The following POTEJ variants were observed in gnomAD, a reference collection of about 807,000 sequenced individuals.
The protein encoded by POTEJ is POTE ankyrin domain family member J.
In POTEJ, 11 loss-of-function variants were observed where a neutral mutation model predicts 69.0. That is an observed-to-expected ratio of 0.16 (90% CI 0.10 to 0.26). The LOEUF (loss-of-function observed/expected upper bound fraction) is 0.26, where lower values mean the gene tolerates loss of function less well. Among genes scored for constraint, POTEJ ranks in the 10% least tolerant of loss-of-function variants. The probability of loss-of-function intolerance (pLI) is 1.00; values close to 1 mark genes in which losing one functional copy is unlikely to be tolerated. For missense variants in POTEJ, 327 were observed against 1,045.5 expected, an observed-to-expected ratio of 0.31 and a Z score of 9.48; for synonymous variants, 117 against 381.1, an observed-to-expected ratio of 0.31 and a Z score of 8.07.
intron 10 of POTEJ, among the ~76,000 whole-genome samples, chr2:130,641,572 G>A (rs1461020595): frequency 6.6e-6 from 1 of 151,174 alleles, no homozygotes; most frequent in Non-Finnish European, 1.5e-5. Context: ...GAAAGGCTTG[G>A]GGGACAGAGA....
At chr2:130,628,751 G>T (rs1226206265) in intron 6 of POTEJ, among the ~76,000 whole-genome samples, 1 of 149,186 alleles carries the variant, frequency 6.7e-6, no homozygotes, top group Non-Finnish European at 1.5e-5. Context: ...GATAAGTGTG[G>T]TGGCTCACAC....
chr2:130,637,215 G>A (rs1686127458), intron 9 of POTEJ, among the ~76,000 whole-genome samples: 1 of 151,158 alleles, frequency 6.6e-6, no homozygotes, highest in African/African-American at 2.4e-5. Flanking sequence ...AGGGAGAAAA[G>A]CCCAATATTG....
At chr2:130,643,475 C>G (rs894083347) in intron 10 of POTEJ, among the ~76,000 whole-genome samples, 1 of 136,952 alleles carries the variant, frequency 7.3e-6, no homozygotes, top group African/African-American at 2.7e-5. Context: ...GCTGATCATG[C>G]CACTGCATTC....
intron 3 of POTEJ, among the ~76,000 whole-genome samples, chr2:130,617,521 AT>A (rs1383362981): frequency 4.2e-5 from 3 of 71,912 alleles, no homozygotes; most frequent in Non-Finnish European, 8.4e-5. Flanking sequence ...CCCTCCTAGG[AT>A]TTTTTTCCCC....
chr2:130,637,785 A>G (rs1686163835), intron 9 of POTEJ, among the ~76,000 whole-genome samples: 2 of 152,178 alleles, frequency 1.3e-5, no homozygotes, highest in Admixed American at 6.5e-5. Flanking sequence ...GCTGGAGATG[A>G]ACATGTATAT....
chr2:130,627,025 A>C (rs1685736142), intron 6 of POTEJ, among the ~76,000 whole-genome samples: 1 of 152,170 alleles, frequency 6.6e-6, no homozygotes, highest in African/African-American at 2.4e-5. Flanking sequence ...TTGAATGAGA[A>C]AGCCTTGGGG....
intron 9 of POTEJ, among the ~76,000 whole-genome samples, chr2:130,636,765 T>C: frequency 6.8e-6 from 1 of 148,124 alleles, no homozygotes; most frequent in Non-Finnish European, 1.5e-5. Flanking sequence ...GAGTTTATCC[T>C]GTGTATATTG....
At chr2:130,637,570 C>G (rs1686146473) in intron 9 of POTEJ, among the ~76,000 whole-genome samples, 2 of 152,088 alleles carry the variant, frequency 1.3e-5, no homozygotes, top group South Asian at 4.1e-4. Context: ...ATGGGTGCCA[C>G]AAAAACATTG....
rs1390205290 is a variant in POTEJ, at chr2:130,657,146, T to TA, written c.2387dup (p.Tyr796Ter). Residue 796 changes from tyrosine to a stop codon, truncating the protein, a stop_gained and frameshift_variant, in exon 15 of 15, where the codon TAC (tyrosine) becomes TAAC (stop). Transcript: ENST00000409602. LOFTEE classifies it high-confidence loss of function. ...MFETFNTPAM[Y>*]VAIQAMLSLY... The stretch of plus-strand genomic sequence containing the variant: ...TGAGACCTTCAACACCCCAGCCATG[T>TA]ACGTGGCCATCCAGGCCATGCTGTC... 1 of 1,549,564 alleles carries TA rather than the reference T, an allele frequency of 6.5e-7. No homozygotes were observed. The highest frequency in any genetic ancestry group is 2.2e-5 in the East Asian group (1 of 44,814).
intron 3 of POTEJ, among the ~76,000 whole-genome samples, chr2:130,618,537 G>A (rs1473547409): frequency 4.7e-5 from 7 of 147,904 alleles, no homozygotes; most frequent in East Asian, 1.9e-4. Context: ...TCAGGAGTTC[G>A]AGTCTAGCCT....
Position 130,632,748 on chromosome 2 carries a change from GT to G in POTEJ, c.1298+96del, listed in dbSNP as rs1685952226. ...ATATTCATGATGAACAAATTTTATA[GT>G]TTTACTAGGATATTCAGCCTTGCCC... On this transcript the variant is annotated intron_variant, in intron 9 of 14. Coordinates refer to ENST00000409602, the MANE Select transcript of POTEJ (RefSeq NM_001277083.2). 1.0e-5 allele frequency: 13 copies of G among 1,242,028 alleles called. No individual in the cohort carries two copies. In the South Asian group the frequency reaches 1.8e-4, roughly 17 times the overall value. 76.9% of individuals were successfully genotyped at this position (1,242,028 alleles called of 1,614,324 possible). A position where few individuals can be genotyped will look rare whatever the true frequency, so the allele number is the denominator to read the frequency against.
In POTEJ at chr2:130,656,457, T is replaced by C. The variant is rs1686991103; in HGVS notation, c.1789-92T>C. 9 of 1,482,798 alleles carry C rather than the reference T, an allele frequency of 6.1e-6. No individual in the cohort carries two copies. In the East Asian group the frequency reaches 2.1e-4, roughly 34 times the overall value. 91.9% of individuals were successfully genotyped at this position (1,482,798 alleles called of 1,614,324 possible). On this transcript the variant is annotated intron_variant, in intron 14 of 14. Transcript: ENST00000409602. ...AATATCCACTATGGGGATTCTTTCATTATACAAATACATGTTATTTTTGAA... is the reference window on the plus strand; with the variant it reads ...AATATCCACTATGGGGATTCTTTCACTATACAAATACATGTTATTTTTGAA...
intron 10 of POTEJ, among the ~76,000 whole-genome samples, chr2:130,640,306 T>C (rs573249265): frequency 2.8e-5 from 4 of 141,340 alleles, no homozygotes; most frequent in South Asian, 2.1e-4. Context: ...TTACCAAAAG[T>C]GTGAGATACC....
At chr2:130,649,786 G>A (rs977165257) in intron 13 of POTEJ, among the ~76,000 whole-genome samples, 2 of 143,886 alleles carry the variant, frequency 1.4e-5, no homozygotes, top group East Asian at 1.9e-4. Flanking sequence ...AGTGCTTAAA[G>A]ACTCCAGGCA....
At chr2:130,612,901 A>G (rs1309565036) in intron 1 of POTEJ, among the ~76,000 whole-genome samples, 6 of 135,664 alleles carry the variant, frequency 4.4e-5, no homozygotes, top group African/African-American at 1.7e-4. Context: ...ATTTTTTGTA[A>G]CAGAATGGAA....
chr2:130,655,459 T>C (rs1323788285), intron 14 of POTEJ, among the ~76,000 whole-genome samples: 1 of 152,260 alleles, frequency 6.6e-6, no homozygotes, highest in African/African-American at 2.4e-5. Flanking sequence ...ACATTGTGGA[T>C]ACCATTATCC....
intron 10 of POTEJ, among the ~76,000 whole-genome samples, chr2:130,643,447 A>T (rs374714791): frequency 3.1e-4 from 42 of 135,388 alleles, no homozygotes; most frequent in African/African-American, 1.1e-3. Context: ...TGAACCAGGG[A>T]GGCGGAGGTT....
intron 6 of POTEJ, among the ~76,000 whole-genome samples, chr2:130,625,286 C>A (rs1391781251): frequency 2.6e-5 from 4 of 152,060 alleles, no homozygotes; most frequent in Non-Finnish European, 1.5e-5. Flanking sequence ...TTCACTTGTC[C>A]ACTTAACATA....
intron 10 of POTEJ, among the ~76,000 whole-genome samples, chr2:130,643,535 A>T (rs1275779508): frequency 6.9e-6 from 1 of 144,898 alleles, no homozygotes; most frequent in Non-Finnish European, 1.5e-5. Context: ...AAAAAAAGAA[A>T]AAAAGAAAAT....
Sources: allele counts gnomAD v4.1 joint callset (sites outside exome capture counted in the v4.1 genomes callset), GRCh38; gene constraint gnomAD v4.1.1; transcripts MANE v1.5; gene names NCBI Gene and HGNC (gene_info 2026-07-23, HGNC 2026-07-21).